PCDHA2: variants seen among roughly 807,000 people sequenced by gnomAD.
The protein encoded by PCDHA2 is protocadherin alpha 2.
Under a neutral mutation model 66.0 loss-of-function variants are expected in PCDHA2, and 58 were observed. That is an observed-to-expected ratio of 0.88 (90% confidence interval 0.71 to 1.09). The LOEUF is 1.09. Among genes scored for constraint, PCDHA2 ranks in the 50% least tolerant of loss-of-function variants. The pLI is 0.00. For synonymous variants in PCDHA2, 634 were observed against 554.0 expected (o/e 1.14, Z -2.03); for missense variants, 1,267 against 1,242.3 (o/e 1.02, Z -0.30).
At chr5:140,991,180 C>T (rs2097436577) in intron 3 of PCDHA2, among the ~76,000 whole-genome samples, 1 of 152,160 alleles carries the variant, frequency 6.6e-6, no homozygotes. Context: ...AAGCAGGATG[C>T]CTAGCACACA....
chr5:140,874,152 T>C (rs1416330070), intron 1 of PCDHA2, among the ~76,000 whole-genome samples: 1 of 152,228 alleles, frequency 6.6e-6, no homozygotes, highest in African/African-American at 2.4e-5. Context: ...TGTAGAGCCA[T>C]TCTTGGTTAC....
rs1489581574 is a variant in PCDHA2 at position 140,801,313 on chromosome 5, C to A, written c.2388+3961C>A. On this transcript the variant is annotated intron_variant, in intron 1 of 3. Coordinates refer to ENST00000526136, the MANE Select transcript of PCDHA2 (RefSeq NM_018905.3). ...CTCCACTACTCCGTCTCTGAGGAGG[C>A]CAAGCATGGCACCTTCGTGGGCCGC... 5.0e-6 allele frequency: 8 copies of A among 1,613,184 alleles called. No individual in the cohort carries two copies. The Admixed American group carries it at 1.0e-4, about 20-fold the overall frequency.
In PCDHA2 at chr5:140,831,519, CCTTT is replaced by C. The variant is rs1771594007; in HGVS notation, c.2388+34168_2388+34171del. On this transcript the variant is annotated intron_variant, in intron 1 of 3. Coordinates refer to ENST00000526136, the MANE Select transcript of PCDHA2 (RefSeq NM_018905.3). Reference sequence around the variant, plus strand: ...CACACGAGCACCACCATGCCCCCCACCTTTTTTTTTTTTTTTTTTTTTTTTAAGA... The same window carrying C: ...CACACGAGCACCACCATGCCCCCCACTTTTTTTTTTTTTTTTTTTTTAAGA... 7.3e-5 allele frequency among the ~76,000 whole-genome samples: 9 copies of C among 122,902 alleles called. No individual in the cohort carries two copies. In the South Asian group the frequency reaches 1.4e-3, roughly 19 times the overall value. The allele number at this position is 122,902 out of a possible 152,430, so 80.6% of individuals were successfully genotyped here.
At chr5:141,009,528 G>A in intron 3 of PCDHA2, 99 bp from the exon 4 acceptor site, 4 of 1,508,216 alleles carry the variant, frequency 2.7e-6, no homozygotes, top group Non-Finnish European at 3.5e-6. Flanking sequence ...TTCTGGGGAG[G>A]TTCAGCCTGC....
intron 1 of PCDHA2, chr5:140,871,619 A>C: frequency 7.1e-7 from 1 of 1,415,536 alleles, no homozygotes; most frequent in Non-Finnish European, 9.4e-7. Context: ...ATTGTTTTAG[A>C]TAACAATGTC....
At chr5:140,985,083 G>A (rs782261438) in intron 3 of PCDHA2, among the ~76,000 whole-genome samples, 5 of 152,158 alleles carry the variant, frequency 3.3e-5, no homozygotes, top group East Asian at 1.9e-4. Context: ...GACTACAGGC[G>A]TGTGCCACCA....
intron 1 of PCDHA2, among the ~76,000 whole-genome samples, chr5:140,939,247 T>C (rs1413301027): frequency 6.6e-6 from 1 of 152,246 alleles, no homozygotes; most frequent in South Asian, 2.1e-4. Context: ...GCAAGGTAGC[T>C]CTCTGGAACC....
chr5:140,984,492 T>C (rs2097106044), intron 3 of PCDHA2, among the ~76,000 whole-genome samples: 1 of 152,224 alleles, frequency 6.6e-6, no homozygotes, highest in Non-Finnish European at 1.5e-5. Context: ...TATCCAGAAC[T>C]GTGCCTGGCT....
intron 1 of PCDHA2, among the ~76,000 whole-genome samples, chr5:140,854,875 T>A (rs2150323966): frequency 6.7e-6 from 1 of 150,054 alleles, no homozygotes; most frequent in African/African-American, 2.4e-5. Context: ...CAGAACTGTG[T>A]CTTTTGGGCA....
intron 1 of PCDHA2, among the ~76,000 whole-genome samples, chr5:140,932,571 A>G (rs1308740705): frequency 1.3e-5 from 2 of 151,926 alleles, no homozygotes; most frequent in African/African-American, 4.8e-5. Context: ...AGACTTTCCC[A>G]TAGGGTAATT....
At chr5:140,903,454 A>G (rs1554190971) in intron 1 of PCDHA2, among the ~76,000 whole-genome samples, 1 of 152,208 alleles carries the variant, frequency 6.6e-6, no homozygotes, top group Non-Finnish European at 1.5e-5. Flanking sequence ...ATCTGATCAA[A>G]CTTAAAATAT....
At chr5:140,861,589 T>C in intron 1 of PCDHA2, 2 of 373,158 alleles carry the variant, frequency 5.4e-6, no homozygotes, top group South Asian at 4.9e-5. Context: ...CATGTGGAGG[T>C]GAAAGTGAAG....
intron 3 of PCDHA2, among the ~76,000 whole-genome samples, chr5:141,003,504 G>A (rs1336599901): frequency 9.2e-5 from 14 of 152,020 alleles, no homozygotes; most frequent in African/African-American, 3.4e-4. Context: ...GTAGAGATGG[G>A]GTTTCACCAT....
rs782398517 is a variant in PCDHA2 at position 140,857,600 on chromosome 5, G to T, written c.2388+60248G>T. 9 of 1,596,344 alleles carry T rather than the reference G, an allele frequency of 5.6e-6. No homozygotes were observed. Among genetic ancestry groups the T allele is most frequent in the Non-Finnish European group, 7.7e-6 (9 of 1,167,692 alleles). On this transcript the variant is annotated intron_variant, in intron 1 of 3. Transcript: ENST00000526136. ...GCACGCGGAGAGCGGCAAGGTGTAC[G>T]CGCTGCAGCCGCTGGACCACGAGGA...
At chr5:140,843,379 T>G in intron 1 of PCDHA2, 1 of 1,595,912 alleles carries the variant, frequency 6.3e-7, no homozygotes, top group Non-Finnish European at 8.6e-7. Flanking sequence ...CGGCTGGCGT[T>G]TTGGGTCCGG....
chr5:140,908,730 C>G (rs1367655223), intron 1 of PCDHA2, among the ~76,000 whole-genome samples: 4 of 152,124 alleles, frequency 2.6e-5, no homozygotes, highest in Non-Finnish European at 4.4e-5. Context: ...TCATATGGCT[C>G]GAGAAACAGA....
intron 1 of PCDHA2, chr5:140,927,278 T>C: frequency 6.2e-7 from 1 of 1,614,094 alleles, no homozygotes; most frequent in Non-Finnish European, 8.5e-7. Flanking sequence ...GCCGGCGACG[T>C]GCAGCTGCAC....
intron 1 of PCDHA2, chr5:140,823,887 T>C: frequency 1.2e-6 from 2 of 1,613,952 alleles, no homozygotes; most frequent in Non-Finnish European, 1.7e-6. Context: ...TCGCCATCTG[T>C]GCGGTGTCCA....
chr5:140,902,197 C>T (rs868992860), intron 1 of PCDHA2, among the ~76,000 whole-genome samples: 1 of 143,684 alleles, frequency 7.0e-6, no homozygotes, highest in African/African-American at 2.6e-5. Context: ...CTCTCTCTCT[C>T]TCTTTCTTTT....
Sources: gnomAD v4.1 joint callset for allele counts (sites outside exome capture counted in the v4.1 genomes callset) on GRCh38, gnomAD v4.1.1 for gene constraint, MANE v1.5 for transcripts, NCBI Gene and HGNC (gene_info 2026-07-23, HGNC 2026-07-21) for gene names.